SYNJ2: variants seen among roughly 807,000 people sequenced by gnomAD.
SYNJ2 encodes the protein polyphosphatidylinositol phosphatase SYNJ2.
SYNJ2 carries 116 observed loss-of-function variants against 141.3 expected under a neutral mutation model. That is an observed-to-expected ratio of 0.82 (90% CI 0.71 to 0.96). The LOEUF (loss-of-function observed/expected upper bound fraction) is 0.96. SYNJ2 is among the 40% of genes least tolerant of loss of function. The probability of loss-of-function intolerance (pLI) is 0.00; values close to 1 mark genes in which losing one functional copy is unlikely to be tolerated. For synonymous variants in SYNJ2, 745 were observed against 777.7 expected, an observed-to-expected ratio of 0.96 and a Z score of 0.70; for missense variants, 1,873 against 1,934.8, an observed-to-expected ratio of 0.97 and a Z score of 0.60.
Position 158,093,035 on chromosome 6 carries a change from A to G in SYNJ2, c.3675A>G (p.Pro1225=). The change falls in exon 26 of 27, where the codon CCA becomes CCG. Residue 1225 remains proline, a synonymous_variant. Transcript: ENST00000355585. ...AACCAGAGACCCCACAGGCGCCCCC[A>G]CTCCTTCCCCGTCGGCCCCCACCCA... is the stretch of plus-strand genomic sequence containing the variant. ...AAKPETPQAP[P]LLPRRPPPRV... 1.2e-6 allele frequency: 2 copies of G among 1,610,958 alleles called. No homozygotes were observed. The highest frequency in any genetic ancestry group is 1.7e-6 in the Non-Finnish European group (2 of 1,179,262).
intron 14 of SYNJ2, 36 bp downstream of exon 14, chr6:158,069,709 AG>A (rs1781796313): frequency 6.4e-7 from 1 of 1,564,106 alleles, no homozygotes; most frequent in Non-Finnish European, 8.7e-7. Context: ...CTGGGGAACA[AG>A]GGGTTGTTAG....
At position 158,033,456 on chromosome 6, in the gene SYNJ2, A is replaced by C. The variant is rs777311806; in HGVS notation, c.487A>C (p.Asn163His). 3 of 1,613,782 alleles carry C rather than the reference A, an allele frequency of 1.9e-6. No individual in the cohort carries two copies. The highest frequency in any genetic ancestry group is 2.5e-6 in the Non-Finnish European group (3 of 1,179,708). Residue 163 changes from asparagine (N) to histidine (H), a missense_variant and splice_region_variant, in exon 4 of 27, where the codon AAC (asparagine) becomes CAC (histidine). Physicochemically the swap from Asn to His is moderately conservative, Grantham distance 68. Coordinates refer to ENST00000355585, the MANE Select transcript of SYNJ2 (RefSeq NM_003898.4). Reference sequence around the variant, plus strand: ...TTGGTGTGGGACTGTGTTTTGCAGGAACCAGCTGTTGCACGTGCCCTTGAG... The same window carrying C: ...TTGGTGTGGGACTGTGTTTTGCAGGCACCAGCTGTTGCACGTGCCCTTGAG... ...SSEWGNSFFW[N>H]QLLHVPLRQH...
intron 1 of SYNJ2, among the ~76,000 whole-genome samples, chr6:157,986,630 C>T (rs1273884750): frequency 2.6e-5 from 4 of 152,194 alleles, no homozygotes; most frequent in Admixed American, 6.5e-5. Flanking sequence ...CCACCACGCC[C>T]GGCCTTCCCC....
At chr6:158,045,792 C>A in intron 5 of SYNJ2, among the ~76,000 whole-genome samples, 1 of 152,266 alleles carries the variant, frequency 6.6e-6, no homozygotes, top group East Asian at 1.9e-4. Context: ...TCAGATGTAG[C>A]CTGACCCGCC....
At chr6:158,042,829 G>A (rs1393232531) in intron 4 of SYNJ2, among the ~76,000 whole-genome samples, 2 of 152,210 alleles carry the variant, frequency 1.3e-5, no homozygotes, top group African/African-American at 4.8e-5. Flanking sequence ...TCAAGTACGA[G>A]ACTGGCTAGC....
chr6:158,044,498 G>A lies in SYNJ2; in HGVS notation c.795+1099G>A, dbSNP rs543523839. Among the ~76,000 whole-genome samples the A allele has an allele frequency of 5.3e-5, 8 of 152,288 alleles. No individual in the cohort carries two copies. In the East Asian group the frequency reaches 7.7e-4, roughly 15 times the overall value. On this transcript the variant is annotated intron_variant, in intron 5 of 26. Coordinates refer to ENST00000355585, the MANE Select transcript of SYNJ2 (RefSeq NM_003898.4). ...ATTCAGTCTTTCCACTAGAAAGAGCGCACCACACTGCACGAGATAACTGAC... is the reference window on the plus strand; with the variant it reads ...ATTCAGTCTTTCCACTAGAAAGAGCACACCACACTGCACGAGATAACTGAC...
At chr6:158,018,428 TCTGAATTCGGGCTTTCC>T (rs1778587493) in intron 2 of SYNJ2, among the ~76,000 whole-genome samples, 1 of 152,212 alleles carries the variant, frequency 6.6e-6, no homozygotes, top group Admixed American at 6.5e-5. Context: ...GTATGGGTTG[TCTGAATTCGGGCTTTCC>T]CTGAGCCAAG....
At chr6:158,048,339 A>G (rs1213254975) in intron 5 of SYNJ2, among the ~76,000 whole-genome samples, 1 of 152,206 alleles carries the variant, frequency 6.6e-6, no homozygotes, top group Non-Finnish European at 1.5e-5. Context: ...CAATGGGTGC[A>G]GGTGTTGTAA....
At chr6:158,047,809 A>G (rs1780339864) in intron 5 of SYNJ2, among the ~76,000 whole-genome samples, 2 of 132,664 alleles carry the variant, frequency 1.5e-5, no homozygotes, top group Non-Finnish European at 3.4e-5. Context: ...AAAAAAACAC[A>G]CAGTATCTAG....
intron 1 of SYNJ2, among the ~76,000 whole-genome samples, chr6:158,004,242 G>A (rs886477591): frequency 6.6e-6 from 1 of 152,124 alleles, no homozygotes; most frequent in Non-Finnish European, 1.5e-5. Context: ...CAGGAGGTTA[G>A]GCATTCTTAG....
rs188078173 is a variant in SYNJ2 at position 157,994,650 on chromosome 6, C to T, written c.127+12562C>T. The stretch of plus-strand genomic sequence containing the variant: ...ATTCCATGATGGCATCTCATGTCTC[C>T]AGAGTGGACAGACAGAAGCTTGTGT... On this transcript the variant is annotated intron_variant, in intron 1 of 26. Coordinates refer to ENST00000355585, the MANE Select transcript of SYNJ2 (RefSeq NM_003898.4). Among the ~76,000 whole-genome samples the T allele has an allele frequency of 2.6e-5, 4 of 152,294 alleles. No homozygotes were observed. The East Asian group carries it at 7.7e-4, about 29-fold the overall frequency.
At position 158,043,214 on chromosome 6, in the gene SYNJ2, CTGGCT is replaced by C; in HGVS notation, c.712-101_712-97del. ...CGGAGTCCACCGTCCGCCCTTCATT[CTGGCT>C]GGTGTCGGGTCACAGGTGGCCGGAT... is the stretch of plus-strand genomic sequence containing the variant. On this transcript the variant is annotated intron_variant, in intron 4 of 26. Coordinates refer to ENST00000355585, the MANE Select transcript of SYNJ2 (RefSeq NM_003898.4). The surrounding 1 kb of genome is among the most constrained non-coding windows in gnomAD (Gnocchi z 4.0). The C allele has an allele frequency of 1.0e-6, 1 of 993,352 alleles. No individual in the cohort carries two copies. The highest frequency in any genetic ancestry group is 1.6e-6 in the Non-Finnish European group (1 of 643,250). The allele number at this position is 993,352 out of a possible 1,614,324, so 61.5% of individuals were successfully genotyped here. A position where few individuals can be genotyped will look rare whatever the true frequency, so the allele number is the denominator to read the frequency against.
At chr6:158,042,150 A>G (rs1221760740) in intron 4 of SYNJ2, among the ~76,000 whole-genome samples, 1 of 152,262 alleles carries the variant, frequency 6.6e-6, no homozygotes, top group African/African-American at 2.4e-5. Flanking sequence ...TAGCCGTTCA[A>G]GCAACCTGCT....
rs2128393218 is a variant in SYNJ2, at chr6:158,084,915, A to G, written c.3208+741A>G. Among the ~76,000 whole-genome samples the G allele has an allele frequency of 6.6e-6, 1 of 151,900 alleles. No individual in the cohort carries two copies. Among genetic ancestry groups the G allele is most frequent in the East Asian group, 1.9e-4 (1 of 5,176 alleles). On this transcript the variant is annotated intron_variant, in intron 22 of 26. Coordinates refer to ENST00000355585, the MANE Select transcript of SYNJ2 (RefSeq NM_003898.4). The surrounding 1 kb of genome is among the most constrained non-coding windows in gnomAD (Gnocchi z 5.0). The stretch of plus-strand genomic sequence containing the variant: ...TATGGTCACACTCATATAATATCAT[A>G]TTATTATACAGTCATGTCATACGGT...
In SYNJ2 at chr6:158,093,031, C is replaced by T; in HGVS notation, c.3671C>T (p.Pro1224Leu). 1.9e-6 allele frequency: 3 copies of T among 1,612,108 alleles called. No individual in the cohort carries two copies. The highest frequency in any genetic ancestry group is 8.5e-7 in the Non-Finnish European group (1 of 1,179,524). ...GAAKPETPQAPPLLPRRPPPR... is the reference protein window; with the variant it reads ...GAAKPETPQALPLLPRRPPPR... ...GCCAAACCAGAGACCCCACAGGCGC[C>T]CCCACTCCTTCCCCGTCGGCCCCCA... Residue 1224 changes from proline to leucine, a missense_variant, in exon 26 of 27, where the codon CCC becomes CTC. Pro to Leu is a moderately conservative substitution (Grantham distance 98). Transcript: ENST00000355585.
At chr6:158,006,079 G>C (rs1302077518) in intron 1 of SYNJ2, among the ~76,000 whole-genome samples, 2 of 152,100 alleles carry the variant, frequency 1.3e-5, no homozygotes, top group South Asian at 4.1e-4. Flanking sequence ...CTCTCTCCTG[G>C]CTCATTTCTG....
Position 158,017,402 on chromosome 6 carries a change from C to T in SYNJ2, c.214+112C>T. Reference sequence around the variant, plus strand: ...TCTGTTTGACCGCTCTTCTCTCTCTCTTCTTTTTTTTTTTTTTTTTTTTTT... The same window carrying T: ...TCTGTTTGACCGCTCTTCTCTCTCTTTTCTTTTTTTTTTTTTTTTTTTTTT... On this transcript the variant is annotated intron_variant, in intron 2 of 26. Transcript: ENST00000355585. The T allele has an allele frequency of 1.8e-5, 16 of 890,676 alleles. No homozygotes were observed. The South Asian group carries it at 2.4e-4, about 13-fold the overall frequency. 55.2% of individuals were successfully genotyped at this position (890,676 alleles called of 1,614,324 possible).
At chr6:158,041,027 A>T (rs568717724) in intron 4 of SYNJ2, among the ~76,000 whole-genome samples, 1 of 152,328 alleles carries the variant, frequency 6.6e-6, no homozygotes, top group South Asian at 2.1e-4. Context: ...TCTGGGGAAG[A>T]GAAAACAGCT....
intron 13 of SYNJ2, among the ~76,000 whole-genome samples, 153 bp from the exon 14 acceptor site, chr6:158,069,380 T>C (rs559177425): frequency 6.6e-6 from 1 of 152,264 alleles, no homozygotes; most frequent in African/African-American, 2.4e-5. Context: ...GATCCTCCAG[T>C]AGAAGAAGGA....
Sources: allele counts gnomAD v4.1 joint callset (sites outside exome capture counted in the v4.1 genomes callset), GRCh38; gene constraint gnomAD v4.1.1; non-coding constraint Gnocchi (gnomAD v3.1); transcripts MANE v1.5; gene names NCBI Gene and HGNC (gene_info 2026-07-23, HGNC 2026-07-21).